DDB1: variants seen among roughly 807,000 people sequenced by gnomAD.
DDB1 encodes the protein DNA damage-binding protein 1.
DDB1 carries 18 observed loss-of-function variants against 133.1 expected under a neutral mutation model. That is an observed-to-expected ratio of 0.14 (90% CI 0.09 to 0.20). The LOEUF (loss-of-function observed/expected upper bound fraction) is 0.20. DDB1 is among the 10% of genes least tolerant of loss of function. The pLI, the probability that DDB1 is intolerant of heterozygous loss-of-function variation, is 1.00. For synonymous variants in DDB1, 580 were observed against 550.5 expected (o/e 1.05, Z -0.75); for missense variants, 828 against 1,459.2 (o/e 0.57, Z 7.05).
chr11:61,307,034 G>T (rs1024443989), intron 21 of DDB1, among the ~76,000 whole-genome samples: 2 of 152,176 alleles, frequency 1.3e-5, no homozygotes, highest in African/African-American at 2.4e-5. Flanking sequence ...ACAGCCAAAA[G>T]GGCATTTCCA....
chr11:61,331,897 T>A, intron 1 of DDB1: 1 of 600,162 alleles, frequency 1.7e-6, no homozygotes, highest in Non-Finnish European at 2.8e-6. Context: ...ACTTCCCTAA[T>A]CAGACTAAGA....
chr11:61,314,804 GTGACCACCAGTTTT>G (rs1856038011), intron 12 of DDB1: 1 of 168,260 alleles, frequency 5.9e-6, no homozygotes, highest in Non-Finnish European at 1.2e-5. Context: ...GTAAGACCCT[GTGACCACCAGTTTT>G]TTGGCTTTTT....
Position 61,331,539 on chromosome 11 carries a change from T to G in DDB1, c.210+4A>C. On this transcript the variant is annotated splice_donor_region_variant and intron_variant, in intron 2 of 26. Coordinates refer to ENST00000301764, the MANE Select transcript of DDB1 (RefSeq NM_001923.5). ...CCACTGCTTGTCCCAACTGCAACAC[T>G]TACCTTGGGCCTGAAAAGCTCCATG... 6.2e-7 allele frequency: 1 copy of G among 1,613,356 alleles called. No individual in the cohort carries two copies. Among genetic ancestry groups the G allele is most frequent in the South Asian group, 1.1e-5 (1 of 91,066 alleles).
intron 18 of DDB1, chr11:61,311,258 A>T (rs1297530537): frequency 7.1e-6 from 1 of 140,482 alleles, no homozygotes; most frequent in Non-Finnish European, 1.5e-5. Flanking sequence ...TCTCAATAAC[A>T]AACATAACAT....
chr11:61,331,547 G>A lies in DDB1; in HGVS notation c.206C>T (p.Pro69Leu). The A allele has an allele frequency of 6.2e-7, 1 of 1,613,924 alleles. No individual in the cohort carries two copies. ...TGTCCCAACTGCAACACTTACCTTG[G>A]GCCTGAAAAGCTCCATGACCGCAAT... ...GKIAVMELFR[P>L]KGESKDLLFI... Residue 69 changes from proline to leucine, a missense_variant, in exon 2 of 27, where the codon CCC becomes CTC. Pro to Leu is a moderately conservative substitution (Grantham distance 98). Around this residue, in one of 7 missense-constraint regions of DDB1, gnomAD observed 210 missense variants for 344.8 expected, o/e 0.61. Transcript: ENST00000301764.
intron 1 of DDB1, 57 bp downstream of exon 1, chr11:61,332,851 G>A: frequency 2.9e-6 from 4 of 1,377,360 alleles, no homozygotes; most frequent in Non-Finnish European, 3.8e-6. Flanking sequence ...GCCTCCCTAG[G>A]CCGCGGCTCC....
In DDB1 at chr11:61,299,512, CCTT is replaced by C. The variant is rs964412336; in HGVS notation, c.*621_*623del. On this transcript the variant is annotated 3_prime_UTR_variant, in exon 27 of 27. Transcript: ENST00000301764. ...GAAACTAACAATTCACATCCTCCCA[CCTT>C]CTTCTTTCCGAAGAAGGCAGTTTGC... 2.0e-5 allele frequency: 3 copies of C among 152,446 alleles called. No individual in the cohort carries two copies. Among genetic ancestry groups the C allele is most frequent in the African/African-American group, 7.2e-5 (3 of 41,462 alleles). The allele number at this position is 152,446 out of a possible 1,614,324, so 9.4% of individuals were successfully genotyped here.
chr11:61,310,061 C>G (rs548021021), intron 19 of DDB1, 101 bp from the exon 20 acceptor site: 2 of 1,487,022 alleles, frequency 1.3e-6, no homozygotes, highest in African/African-American at 1.4e-5. Flanking sequence ...AGTGACAAAG[C>G]GTGTACCACC....
chr11:61,314,256 G>T lies in DDB1; in HGVS notation c.1590-46C>A, dbSNP rs55646947. 3.3e-4 allele frequency: 528 copies of T among 1,592,626 alleles called. 3 individuals are homozygous for T. The African/African-American group carries it at 5.5e-3, about 17-fold the overall frequency. On this transcript the variant is annotated intron_variant, in intron 13 of 26. Transcript: ENST00000301764. ...CAGAGGAAGGAATCCAAGGCTCAAA[G>T]AAGTCCTAGAGAAAAGAGGAGGAAA...
At chr11:61,310,020 A>G in intron 19 of DDB1, 60 bp from the exon 20 acceptor site, 1 of 1,606,630 alleles carries the variant, frequency 6.2e-7, no homozygotes, top group Non-Finnish European at 8.5e-7. Flanking sequence ...CGCACACATA[A>G]CCCCGTATTT....
intron 21 of DDB1, among the ~76,000 whole-genome samples, chr11:61,308,329 C>T (rs1338556831): frequency 6.6e-6 from 1 of 152,174 alleles, no homozygotes; most frequent in Non-Finnish European, 1.5e-5. Context: ...TGCTCAAATG[C>T]CACTGTGTAT....
intron 18 of DDB1, chr11:61,310,947 C>G (rs1855955554): frequency 6.6e-6 from 1 of 152,384 alleles, no homozygotes; most frequent in Non-Finnish European, 1.5e-5. Flanking sequence ...CAAGGTCACA[C>G]AGCTAGCAAT....
chr11:61,303,791 C>A (rs1855839251), intron 22 of DDB1, 74 bp downstream of exon 22: 2 of 1,563,302 alleles, frequency 1.3e-6, no homozygotes, highest in Non-Finnish European at 1.7e-6. Context: ...CTGGCTTATC[C>A]TTCCCCACCA....
intron 7 of DDB1, 46 bp from the exon 8 acceptor site, chr11:61,323,140 G>A (rs1437190782): frequency 1.3e-6 from 2 of 1,503,274 alleles, no homozygotes; most frequent in African/African-American, 1.4e-5. Context: ...TGGACCCTAC[G>A]TGGGATCCAG....
chr11:61,322,270 C>G, intron 9 of DDB1, 26 bp downstream of exon 9: 1 of 1,571,298 alleles, frequency 6.4e-7, no homozygotes, highest in Non-Finnish European at 8.8e-7. Context: ...CATATACCAA[C>G]TATCCACTTT....
rs749814416 is a variant in DDB1 at position 61,309,790 on chromosome 11, A to C, written c.2566+6T>G. On this transcript the variant is annotated splice_donor_region_variant and intron_variant, in intron 20 of 26. Transcript: ENST00000301764. Reference sequence around the variant, plus strand: ...CCCTCAGAAACTGGAGACTGCGCCCACTTACCATCCGAATACTGAAAGACC... The same window carrying C: ...CCCTCAGAAACTGGAGACTGCGCCCCCTTACCATCCGAATACTGAAAGACC... The C allele has an allele frequency of 1.9e-6, 3 of 1,609,558 alleles. No homozygotes were observed. The highest frequency in any genetic ancestry group is 2.7e-5 in the African/African-American group (2 of 74,724).
At chr11:61,327,016 ACCCTTAT>A (rs1370971729) in intron 4 of DDB1, 123 bp from the exon 5 acceptor site, 42 of 700,082 alleles carry the variant, frequency 6.0e-5, no homozygotes, top group Non-Finnish European at 1.1e-4. Flanking sequence ...CAGCCCTCCC[ACCCTTAT>A]CCATCACTAT....
rs542451113 is a variant in DDB1, at chr11:61,303,569, T to C, written c.2832+296A>G. On this transcript the variant is annotated intron_variant, in intron 22 of 26. Transcript: ENST00000301764. Reference sequence around the variant, plus strand: ...CAGGCGTGTTGGCAGGTGCCTGTAGTCCCAGCTACTCGTAGTCCCAGTTAC... The same window carrying C: ...CAGGCGTGTTGGCAGGTGCCTGTAGCCCCAGCTACTCGTAGTCCCAGTTAC... Among the ~76,000 whole-genome samples, 193 of 152,004 alleles carry C rather than the reference T, an allele frequency of 1.3e-3. 1 individual carries two copies. Among genetic ancestry groups the C allele is most frequent in the Non-Finnish European group, 2.3e-3 (154 of 67,968 alleles).
intron 21 of DDB1, among the ~76,000 whole-genome samples, chr11:61,304,876 TAA>T (rs757285412): frequency 4.2e-4 from 46 of 109,440 alleles, no homozygotes; most frequent in Non-Finnish European, 3.9e-4. Flanking sequence ...AGACTCCGCC[TAA>T]AAAAAAAAAA....
Sources: allele counts gnomAD v4.1 joint callset (sites outside exome capture counted in the v4.1 genomes callset), GRCh38; gene constraint gnomAD v4.1.1; regional missense constraint gnomAD v4.1.1; transcripts MANE v1.5; gene names NCBI Gene and HGNC (gene_info 2026-07-23, HGNC 2026-07-21).